SNTA1: variants seen among roughly 807,000 people sequenced by gnomAD.
SNTA1 encodes the protein alpha-1-syntrophin.
SNTA1 carries 31 observed loss-of-function variants against 47.1 expected under a neutral mutation model. That is an observed-to-expected ratio of 0.66 (90% confidence interval 0.49 to 0.89). The LOEUF (loss-of-function observed/expected upper bound fraction) is 0.89. Among genes scored for constraint, SNTA1 ranks in the 40% least tolerant of loss-of-function variants. The probability of loss-of-function intolerance (pLI) is 0.00; values close to 1 mark genes in which losing one functional copy is unlikely to be tolerated. For missense variants in SNTA1, 575 were observed against 693.0 expected (o/e 0.83, Z 1.91); for synonymous variants, 300 against 313.6 (o/e 0.96, Z 0.46).
chr20:33,418,064 A>G (rs1989923839), intron 2 of SNTA1, 141 bp from the exon 3 acceptor site: 1 of 626,530 alleles, frequency 1.6e-6, no homozygotes, highest in East Asian at 2.7e-5. Flanking sequence ...TGATATTAAC[A>G]AATTCTTCTA....
At chr20:33,415,627 C>CAA (rs113151357) in intron 3 of SNTA1, among the ~76,000 whole-genome samples, 1 of 133,662 alleles carries the variant, frequency 7.5e-6, no homozygotes, top group African/African-American at 2.8e-5. Flanking sequence ...TGCTAAAATA[C>CAA]AAAAAAAAAA....
At chr20:33,409,922 C>T (rs1989696569) in intron 6 of SNTA1, among the ~76,000 whole-genome samples, 1 of 152,112 alleles carries the variant, frequency 6.6e-6, no homozygotes, top group Admixed American at 6.5e-5. Flanking sequence ...TGAGCCACCG[C>T]ACCTGGCCAA....
intron 1 of SNTA1, among the ~76,000 whole-genome samples, chr20:33,441,246 G>A (rs1990569990): frequency 6.6e-6 from 1 of 150,810 alleles, no homozygotes; most frequent in Non-Finnish European, 1.5e-5. Flanking sequence ...CTTGTCCAAG[G>A]TCACTCCACT....
chr20:33,443,723 G>T lies in SNTA1; in HGVS notation c.-103C>A. 1.4e-6 allele frequency: 1 copy of T among 699,206 alleles called. No homozygotes were observed. The highest frequency in any genetic ancestry group is 1.9e-6 in the Non-Finnish European group (1 of 538,548). 43.3% of individuals were successfully genotyped at this position (699,206 alleles called of 1,614,324 possible). A position where few individuals can be genotyped will look rare whatever the true frequency, so the allele number is the denominator to read the frequency against. ...CAGAGGGCAGCGGGGGCCCGGCTGG[G>T]CCAGCCGCCACCCTACCCCGGCCGC... On this transcript the variant is annotated 5_prime_UTR_variant, in exon 1 of 8. Coordinates refer to ENST00000217381, the MANE Select transcript of SNTA1 (RefSeq NM_003098.3).
intron 1 of SNTA1, among the ~76,000 whole-genome samples, chr20:33,441,462 C>T (rs1424815723): frequency 6.6e-6 from 1 of 152,186 alleles, no homozygotes; most frequent in Non-Finnish European, 1.5e-5. Context: ...GGGACTGGAA[C>T]ACCTCTCTTG....
At chr20:33,408,640 C>G in intron 7 of SNTA1, 41 bp from the exon 8 acceptor site, 1 of 1,610,848 alleles carries the variant, frequency 6.2e-7, no homozygotes, top group Non-Finnish European at 8.5e-7. Context: ...CCCTGGCCAG[C>G]CTGGCCTCCG....
chr20:33,425,807 C>G (rs769416594), intron 2 of SNTA1, among the ~76,000 whole-genome samples: 1 of 152,214 alleles, frequency 6.6e-6, no homozygotes, highest in Admixed American at 6.6e-5. Context: ...CACACTGGCT[C>G]CCGCCTGTAA....
Position 33,435,053 on chromosome 20 carries a change from C to A in SNTA1, c.496+3788G>T, listed in dbSNP as rs544524392. 7.9e-5 allele frequency among the ~76,000 whole-genome samples: 11 copies of A among 139,526 alleles called. No individual in the cohort carries two copies. In the East Asian group the frequency reaches 2.4e-3, roughly 30 times the overall value. 91.5% of individuals were successfully genotyped at this position (139,526 alleles called of 152,430 possible). A position where few individuals can be genotyped will look rare whatever the true frequency, so the allele number is the denominator to read the frequency against. ...TGTCGCCCAGGCTGGAGTGCAGCGG[C>A]ACAATCACGGCTCACTGCAACCTCC... On this transcript the variant is annotated intron_variant, in intron 2 of 7. Transcript: ENST00000217381.
chr20:33,440,841 T>C (rs149452439), intron 1 of SNTA1, among the ~76,000 whole-genome samples: 42 of 152,272 alleles, frequency 2.8e-4, no homozygotes, highest in African/African-American at 9.4e-4. Context: ...AAGGCAACAA[T>C]GTGGGAACCC....
At position 33,416,961 on chromosome 20, in the gene SNTA1, A is replaced by T. The variant is rs1012014085; in HGVS notation, c.701+758T>A. 2.0e-5 allele frequency among the ~76,000 whole-genome samples: 3 copies of T among 149,326 alleles called. No homozygotes were observed. In the Admixed American group the frequency reaches 2.0e-4, roughly 10 times the overall value. On this transcript the variant is annotated intron_variant, in intron 3 of 7. Transcript: ENST00000217381. ...GTCAAAAAAAAAAAAAAAAAAAAAA[A>T]AGTTAGCCAGGTGTGGTGGTGGGCG...
chr20:33,419,119 T>C (rs1989958593), intron 2 of SNTA1, among the ~76,000 whole-genome samples: 1 of 150,684 alleles, frequency 6.6e-6, no homozygotes, highest in Non-Finnish European at 1.5e-5. Flanking sequence ...AAAAAAAAAA[T>C]GATGACTTTC....
intron 3 of SNTA1, among the ~76,000 whole-genome samples, chr20:33,416,623 G>A (rs898451179): frequency 8.5e-5 from 13 of 152,220 alleles, no homozygotes; most frequent in African/African-American, 3.1e-4. Flanking sequence ...TGGCCAACAT[G>A]GTGGAACCCC....
In SNTA1 at chr20:33,443,572, C is replaced by G; in HGVS notation, c.49G>C (p.Ala17Pro). Reference sequence around the variant, plus strand: ...CCGCCGGCCCCCGAGCCCGCCCCGGCGCGCAGCTCCAGCAGCCCGGTGCGC... The same window carrying G: ...CCGCCGGCCCCCGAGCCCGCCCCGGGGCGCAGCTCCAGCAGCCCGGTGCGC... ...APRTGLLELR[A>P]GAGSGAGGER... Residue 17 changes from alanine to proline, a missense_variant, in exon 1 of 8, where the codon GCC becomes CCC. Coordinates refer to ENST00000217381, the MANE Select transcript of SNTA1 (RefSeq NM_003098.3). 1.5e-6 allele frequency: 2 copies of G among 1,318,696 alleles called. No homozygotes were observed. The highest frequency in any genetic ancestry group is 1.9e-6 in the Non-Finnish European group (2 of 1,026,694). 81.7% of individuals were successfully genotyped at this position (1,318,696 alleles called of 1,614,324 possible).
rs556750498 is a variant in SNTA1, at chr20:33,417,555, C to T, written c.701+164G>A. On this transcript the variant is annotated intron_variant, in intron 3 of 7. Coordinates refer to ENST00000217381, the MANE Select transcript of SNTA1 (RefSeq NM_003098.3). Reference sequence around the variant, plus strand: ...AGTGAGAAGCAAAGCACACCATCATCTCCATGGCTTCACTCAGGCTTCCAG... The same window carrying T: ...AGTGAGAAGCAAAGCACACCATCATTTCCATGGCTTCACTCAGGCTTCCAG... Among the ~76,000 whole-genome samples the T allele has an allele frequency of 3.7e-4, 57 of 152,274 alleles. 1 individual carries two copies. Among genetic ancestry groups the T allele is most frequent in the Non-Finnish European group, 8.1e-4 (55 of 68,000 alleles).
chr20:33,426,533 G>A (rs941127005), intron 2 of SNTA1, among the ~76,000 whole-genome samples: 16 of 151,510 alleles, frequency 1.1e-4, no homozygotes, highest in African/African-American at 1.7e-4. Flanking sequence ...TGGCCGAGGC[G>A]GGCGGATCAC....
At chr20:33,416,661 C>T (rs191293609) in intron 3 of SNTA1, among the ~76,000 whole-genome samples, 35 of 152,246 alleles carry the variant, frequency 2.3e-4, no homozygotes, top group Admixed American at 1.6e-3. Context: ...AAAAGTTAGG[C>T]AGGGCACAGT....
chr20:33,443,677 G>T lies in SNTA1; in HGVS notation c.-57C>A. Reference sequence around the variant, plus strand: ...CGCCCTGTCCCGCTTTGCCCAGCCCGCTCCGACCAAGCGCCCAGGGCAGAG... The same window carrying T: ...CGCCCTGTCCCGCTTTGCCCAGCCCTCTCCGACCAAGCGCCCAGGGCAGAG... On this transcript the variant is annotated 5_prime_UTR_variant, in exon 1 of 8. Transcript: ENST00000217381. The T allele has an allele frequency of 8.3e-6, 9 of 1,090,336 alleles. No homozygotes were observed. The highest frequency in any genetic ancestry group is 4.7e-5 in the East Asian group (1 of 21,426). The allele number at this position is 1,090,336 out of a possible 1,614,324, so 67.5% of individuals were successfully genotyped here.
intron 2 of SNTA1, among the ~76,000 whole-genome samples, chr20:33,429,522 C>G (rs934489546): frequency 1.3e-5 from 2 of 150,470 alleles, no homozygotes; most frequent in African/African-American, 4.9e-5. Flanking sequence ...CCTAGCTACT[C>G]GGGAGGCTGA....
chr20:33,431,986 A>G (rs1315863770), intron 2 of SNTA1, among the ~76,000 whole-genome samples: 2 of 152,288 alleles, frequency 1.3e-5, no homozygotes, highest in African/African-American at 4.8e-5. Context: ...GATTAAGCCA[A>G]GTTTTGTTTG....
Sources: allele counts gnomAD v4.1 joint callset (sites outside exome capture counted in the v4.1 genomes callset), GRCh38; gene constraint gnomAD v4.1.1; transcripts MANE v1.5; gene names NCBI Gene and HGNC (gene_info 2026-07-23, HGNC 2026-07-21).